TLE3: variants seen among roughly 807,000 people sequenced by gnomAD.
TLE3 encodes the protein transducin-like enhancer protein 3.
Under a neutral mutation model 93.0 loss-of-function variants are expected in TLE3, and 14 were observed. The ratio of observed to expected loss-of-function variants is 0.15; its 90% CI spans 0.10 to 0.24. The LOEUF is 0.24. TLE3 is among the 10% of genes least tolerant of loss of function. The pLI is 1.00. For synonymous variants in TLE3, 451 were observed against 425.0 expected (o/e 1.06, Z -0.75); for missense variants, 693 against 1,046.6 (o/e 0.66, Z 4.66).
At chr15:70,055,947 G>A (rs1023652956) in intron 14 of TLE3, 1 of 405,636 alleles carries the variant, frequency 2.5e-6, no homozygotes, top group Admixed American at 3.9e-5. Flanking sequence ...CAGCGGCACT[G>A]GGGCCTTCCC....
At chr15:70,053,604 TG>T (rs3833024) in intron 16 of TLE3, 4,101 of 367,432 alleles carry the variant, frequency 0.011, 33 homozygotes, top group African/African-American at 0.035. Flanking sequence ...CCCTGGGAAA[TG>T]GGGGGGGGAG....
At chr15:70,076,349 C>T (rs1296010176) in intron 4 of TLE3, among the ~76,000 whole-genome samples, 191 bp from the exon 5 acceptor site, 2 of 152,236 alleles carry the variant, frequency 1.3e-5, no homozygotes, top group Non-Finnish European at 2.9e-5. Context: ...TCTCTTTCAA[C>T]TCCCTTGCAG....
rs2058641389 is a variant in TLE3 at position 70,097,913 on chromosome 15, G to A, written c.-1115C>T. 8.4e-6 allele frequency: 2 copies of A among 238,322 alleles called. No homozygotes were observed. The highest frequency in any genetic ancestry group is 1.6e-5 in the Non-Finnish European group (2 of 124,040). The allele number at this position is 238,322 out of a possible 1,614,324, so 14.8% of individuals were successfully genotyped here. A position where few individuals can be genotyped will look rare whatever the true frequency, so the allele number is the denominator to read the frequency against. On this transcript the variant is annotated 5_prime_UTR_variant, in exon 1 of 20. Coordinates refer to ENST00000451782, the MANE Select transcript of TLE3 (RefSeq NM_001105192.3). ...CTGCCGCGAGAGCAGTTCCAAATAGGGACTGAAAAGTAACAAAATAATGTG... is the reference window on the plus strand; with the variant it reads ...CTGCCGCGAGAGCAGTTCCAAATAGAGACTGAAAAGTAACAAAATAATGTG...
intron 12 of TLE3, chr15:70,057,874 A>T: frequency 1.4e-6 from 1 of 722,076 alleles, no homozygotes; most frequent in Non-Finnish European, 2.2e-6. Context: ...CAGGATATGG[A>T]GGCCCAAATG....
rs530259841 is a variant in TLE3 at position 70,066,010 on chromosome 15, G to T, written c.577+4C>A. The T allele has an allele frequency of 1.3e-6, 1 of 780,058 alleles. No homozygotes were observed. Among genetic ancestry groups the T allele is most frequent in the Non-Finnish European group, 2.1e-6 (1 of 480,234 alleles). The allele number at this position is 780,058 out of a possible 1,614,324, so 48.3% of individuals were successfully genotyped here. ...CCCCACCCTCTGCCCCAGCCCAGCC[G>T]CACCTCTGTGATCGAGTTCATGGTG... On this transcript the variant is annotated splice_donor_region_variant and intron_variant, in intron 7 of 19. Transcript: ENST00000451782.
intron 17 of TLE3, 82 bp downstream of exon 17, chr15:70,053,145 T>C: frequency 6.6e-7 from 1 of 1,506,126 alleles, no homozygotes. Context: ...TGAGGGTCCC[T>C]TTGTCCCTGA....
At position 70,055,270 on chromosome 15, in the gene TLE3, C is replaced by A; in HGVS notation, c.1357G>T (p.Gly453Trp). 1 of 1,598,792 alleles carries A rather than the reference C, an allele frequency of 6.3e-7. No homozygotes were observed. Among genetic ancestry groups the A allele is most frequent in the South Asian group, 1.1e-5 (1 of 89,032 alleles). ...PAYSFHVSAD[G>W]QMQPVPFPHD... ...GGGAAGGGCACGGGCTGCATCTGCC[C>A]ATCAGCACTCACATGGAATGAGTAC... Residue 453 changes from glycine to tryptophan, a missense_variant, in exon 15 of 20, where the codon GGG (glycine) becomes TGG (tryptophan). Physicochemically the swap from Gly to Trp is radical, Grantham distance 184. Transcript: ENST00000451782.
chr15:70,084,388 C>CA (rs1314066404), intron 4 of TLE3, among the ~76,000 whole-genome samples: 4 of 152,216 alleles, frequency 2.6e-5, no homozygotes, highest in South Asian at 2.1e-4. Context: ...AATCCCACCA[C>CA]AAAAAATTAT....
At chr15:70,074,693 G>T in intron 5 of TLE3, 86 bp from the exon 6 acceptor site, 1 of 1,162,038 alleles carries the variant, frequency 8.6e-7, no homozygotes, top group East Asian at 2.6e-5. Context: ...AGGGCCTCTC[G>T]GAGAGGCCCA....
At chr15:70,056,496 C>G in intron 13 of TLE3, 122 bp from the exon 14 acceptor site, 1 of 859,236 alleles carries the variant, frequency 1.2e-6, no homozygotes, top group Non-Finnish European at 1.9e-6. Flanking sequence ...ACCCAAGAGA[C>G]AAGCTGAGCA....
At chr15:70,071,341 G>C (rs1320165784) in intron 6 of TLE3, among the ~76,000 whole-genome samples, 2 of 152,236 alleles carry the variant, frequency 1.3e-5, no homozygotes, top group East Asian at 1.9e-4. Context: ...GTAGACACTT[G>C]AGTTCCCTGT....
intron 4 of TLE3, among the ~76,000 whole-genome samples, chr15:70,086,493 C>T (rs2058042791): frequency 6.6e-6 from 1 of 152,128 alleles, no homozygotes; most frequent in Admixed American, 6.5e-5. Flanking sequence ...CATGGCTGAC[C>T]AGGAAGGGAG....
chr15:70,095,348 C>T (rs1174317582), intron 3 of TLE3: 10 of 1,428,936 alleles, frequency 7.0e-6, no homozygotes, highest in Non-Finnish European at 9.1e-6. Context: ...AAGTCTCCGG[C>T]CTGGAATCGG....
chr15:70,095,269 T>C (rs1406134572), intron 3 of TLE3: 8 of 1,278,340 alleles, frequency 6.3e-6, no homozygotes, highest in Admixed American at 3.8e-5. Flanking sequence ...CTAGCCAAGA[T>C]AGGGCAATGG....
In TLE3 at chr15:70,074,611, G is replaced by T. The variant is rs658219; in HGVS notation, c.298-4C>A. 9.9e-3 allele frequency: 15,987 copies of T among 1,607,186 alleles called. 1,356 individuals carry two copies. In the African/African-American group the frequency reaches 0.18, roughly 18 times the overall value. ...CCTGCGCCACCTGCTGCTGGTGCTGGAGGGAAGAGGGTGTGCGTTAGATGC... is the reference window on the plus strand; with the variant it reads ...CCTGCGCCACCTGCTGCTGGTGCTGTAGGGAAGAGGGTGTGCGTTAGATGC... On this transcript the variant is annotated splice_polypyrimidine_tract_variant and splice_region_variant and intron_variant, in intron 5 of 19. Coordinates refer to ENST00000451782, the MANE Select transcript of TLE3 (RefSeq NM_001105192.3).
intron 19 of TLE3, 27 bp from the exon 20 acceptor site, chr15:70,050,231 G>A: frequency 6.4e-7 from 1 of 1,568,564 alleles, no homozygotes; most frequent in South Asian, 1.1e-5. Flanking sequence ...AGGAGAAGCA[G>A]CAGGAAGGCG....
chr15:70,081,541 T>C (rs2057779459), intron 4 of TLE3, among the ~76,000 whole-genome samples: 1 of 152,234 alleles, frequency 6.6e-6, no homozygotes, highest in African/African-American at 2.4e-5. Flanking sequence ...GCCCCTACTG[T>C]GCAGTTTCTG....
chr15:70,062,371 A>AGGCG (rs1286643410), intron 8 of TLE3, among the ~76,000 whole-genome samples: 3 of 152,156 alleles, frequency 2.0e-5, no homozygotes, highest in Admixed American at 6.5e-5. Context: ...TGCCCCTTGC[A>AGGCG]GGCGGGCGGG....
intron 9 of TLE3, among the ~76,000 whole-genome samples, 189 bp downstream of exon 9, chr15:70,060,341 T>C (rs1240515535): frequency 2.0e-5 from 3 of 152,126 alleles, no homozygotes; most frequent in Non-Finnish European, 2.9e-5. Context: ...CGCATGCTCA[T>C]AGCGTGTGTG....
Sources: gnomAD v4.1 joint callset for allele counts (sites outside exome capture counted in the v4.1 genomes callset) on GRCh38, gnomAD v4.1.1 for gene constraint, MANE v1.5 for transcripts, NCBI Gene and HGNC (gene_info 2026-07-23, HGNC 2026-07-21) for gene names.